TUB: variants seen among roughly 807,000 people sequenced by gnomAD.
The protein encoded by TUB is tubby protein homolog.
TUB carries 33 observed loss-of-function variants against 59.7 expected under a neutral mutation model. That is an observed-to-expected ratio of 0.55 (90% CI 0.42 to 0.74). The LOEUF is 0.74. TUB is among the 30% of genes least tolerant of loss of function. The pLI is 0.00. For synonymous variants in TUB, 293 were observed against 256.4 expected, an observed-to-expected ratio of 1.14 and a Z score of -1.36; for missense variants, 659 against 672.0, an observed-to-expected ratio of 0.98 and a Z score of 0.21.
At chr11:8,049,561 G>GTATATATATATATATA (rs372881525) in intron 2 of TUB, among the ~76,000 whole-genome samples, 1,253 of 123,302 alleles carry the variant, frequency 0.01, 6 homozygotes, top group South Asian at 0.016. Flanking sequence ...GTATTATGTG[G>GTATATATATATATATA]TATATATATA....
rs114306621 is a variant in TUB at position 8,024,437 on chromosome 11, C to T, written c.56+5079C>T. Among the ~76,000 whole-genome samples the T allele has an allele frequency of 6.4e-3, 973 of 152,128 alleles. 16 individuals carry two copies. The highest frequency in any genetic ancestry group is 0.022 in the African/African-American group (915 of 41,490). ...CCCACAACAGCCCTTCCAAACCTTC[C>T]GCACTCTCAAGACCCCTCTCTGCTT... On this transcript the variant is annotated intron_variant, in intron 1 of 11. Coordinates refer to the TUB transcript ENST00000534099.
At chr11:8,100,627 C>T (rs1554933892) in intron 10 of TUB, 26 bp downstream of exon 10, 2 of 1,602,242 alleles carry the variant, frequency 1.2e-6, no homozygotes, top group Non-Finnish European at 1.7e-6. Context: ...TTCCTCCCCT[C>T]TTTCCCCATC....
rs747531334 is a variant in TUB, at chr11:8,095,594, C to G, written c.494C>G (p.Ala165Gly). ...GGCCAGTCAGACCACGCCCAGGACG[C>G]AGGGGAGACGGCAGCTGGTGGGGGC... ...TVGQSDHAQD[A>G]GETAAGGGER... Residue 165 changes from alanine to glycine, a missense_variant, in exon 5 of 12, where the codon GCA (alanine) becomes GGA (glycine). By Grantham distance (60) the Ala-to-Gly change is moderately conservative. Around this residue, in one of 3 missense-constraint regions of TUB, gnomAD observed 321 missense variants for 304.3 expected, o/e 1.05. Transcript: ENST00000299506. 6.2e-7 allele frequency: 1 copy of G among 1,612,822 alleles called. No individual in the cohort carries two copies. The highest frequency in any genetic ancestry group is 1.3e-5 in the African/African-American group (1 of 74,926).
rs1944370721 is a variant in TUB, at chr11:8,103,023, T to C, written c.*1404T>C. The C allele has an allele frequency of 6.6e-6, 1 of 152,274 alleles. No homozygotes were observed. The highest frequency in any genetic ancestry group is 6.5e-5 in the Admixed American group (1 of 15,286). 9.4% of individuals were successfully genotyped at this position (152,274 alleles called of 1,614,324 possible). ...TCCAGTAGGAAATCAGGCAGTTCCC[T>C]GTTGAAAGTTGTCTGGCTTTTTGCA... On this transcript the variant is annotated 3_prime_UTR_variant, in exon 12 of 12. Transcript: ENST00000299506.
At chr11:8,031,666 T>G (rs1942572951) in intron 1 of TUB, among the ~76,000 whole-genome samples, 1 of 152,224 alleles carries the variant, frequency 6.6e-6, no homozygotes, top group Non-Finnish European at 1.5e-5. Context: ...TTGGTCTCAC[T>G]TTTAGTGTAA....
intron 9 of TUB, 61 bp from the exon 10 acceptor site, chr11:8,100,442 C>A (rs895966714): frequency 2.2e-6 from 3 of 1,345,194 alleles, no homozygotes; most frequent in Admixed American, 3.5e-5. Flanking sequence ...CCCGTCCCCC[C>A]CACCTTCTCC....
At chr11:8,037,390 G>T (rs543354513), upstream of TUB, among the ~76,000 whole-genome samples, 1 of 152,342 alleles carries the variant, frequency 6.6e-6, no homozygotes, top group African/African-American at 2.4e-5. Flanking sequence ...TGGAGGCCAT[G>T]AGTGTTAACA....
intron 1 of TUB, among the ~76,000 whole-genome samples, chr11:8,023,385 T>C (rs915151854): frequency 1.2e-4 from 18 of 152,200 alleles, no homozygotes; most frequent in Non-Finnish European, 2.4e-4. Flanking sequence ...ATTTTTACAA[T>C]TTCTGGCTCC....
intron 2 of TUB, among the ~76,000 whole-genome samples, chr11:8,064,340 G>A (rs1397889185): frequency 6.6e-6 from 1 of 152,188 alleles, no homozygotes; most frequent in Non-Finnish European, 1.5e-5. Context: ...GACCTTCTGG[G>A]TACACAGATT....
intron 9 of TUB, 67 bp from the exon 10 acceptor site, chr11:8,100,436 T>TCC: frequency 7.9e-7 from 1 of 1,262,026 alleles, no homozygotes; most frequent in Non-Finnish European, 1.2e-6. Context: ...TTTATTCCCG[T>TCC]CCCCCCCACC....
At chr11:8,094,797 A>G (rs1943911423) in intron 4 of TUB, among the ~76,000 whole-genome samples, 1 of 152,192 alleles carries the variant, frequency 6.6e-6, no homozygotes, top group Admixed American at 6.5e-5. Flanking sequence ...GTTCACGGAC[A>G]GTGGTTTCCA....
At position 8,089,599 on chromosome 11, in the gene TUB, T is replaced by C. The variant is rs758306512; in HGVS notation, c.39-11T>C. The stretch of plus-strand genomic sequence containing the variant: ...CGGGCAAGCCCTGAAAACCCCTCTT[T>C]CGCTCTGCAGTGTCTTAGATGATGA... On this transcript the variant is annotated splice_polypyrimidine_tract_variant and intron_variant, in intron 1 of 11. Coordinates refer to ENST00000299506, the MANE Select transcript of TUB (RefSeq NM_177972.3). 6.8e-6 allele frequency: 11 copies of C among 1,614,024 alleles called. No individual in the cohort carries two copies. The highest frequency in any genetic ancestry group is 8.5e-6 in the Non-Finnish European group (10 of 1,179,910).
In TUB at chr11:8,095,731, T is replaced by C. The variant is rs773232185; in HGVS notation, c.565+66T>C. The C allele has an allele frequency of 6.8e-4, 1,016 of 1,497,396 alleles. 2 individuals are homozygous for C. Among genetic ancestry groups the C allele is most frequent in the Non-Finnish European group, 8.7e-4 (966 of 1,108,326 alleles). The allele number at this position is 1,497,396 out of a possible 1,614,324, so 92.8% of individuals were successfully genotyped here. On this transcript the variant is annotated intron_variant, in intron 5 of 11. Coordinates refer to ENST00000299506, the MANE Select transcript of TUB (RefSeq NM_177972.3). ...TCCCAGGTTCTCAGATGCACCTTTCTCTGGGAGCATGGCCTTCCTGTGTCC... is the reference window on the plus strand; with the variant it reads ...TCCCAGGTTCTCAGATGCACCTTTCCCTGGGAGCATGGCCTTCCTGTGTCC...
chr11:8,034,832 A>C (rs917294864), upstream of TUB, among the ~76,000 whole-genome samples: 35 of 151,978 alleles, frequency 2.3e-4, no homozygotes, highest in Non-Finnish European at 5.9e-5. Context: ...CCACCTTATG[A>C]CTCACTATCA....
At chr11:8,069,994 C>T (rs959923217) in intron 2 of TUB, among the ~76,000 whole-genome samples, 5 of 152,336 alleles carry the variant, frequency 3.3e-5, no homozygotes, top group African/African-American at 1.2e-4. Flanking sequence ...GGCATGCTCT[C>T]ACGGGAAAAT....
upstream of TUB, among the ~76,000 whole-genome samples, chr11:8,034,888 C>T (rs748067239): frequency 1.3e-5 from 2 of 152,210 alleles, no homozygotes; most frequent in Non-Finnish European, 2.9e-5. Flanking sequence ...CCTGTGCTCC[C>T]CAGCAGCAAT....
chr11:8,094,318 C>A, intron 4 of TUB, 129 bp downstream of exon 4: 1 of 1,232,132 alleles, frequency 8.1e-7, no homozygotes, highest in Non-Finnish European at 1.1e-6. Flanking sequence ...CAGACTGCCA[C>A]TCTGGGCACC....
At chr11:8,083,356 G>A (rs1401101187) in intron 1 of TUB, among the ~76,000 whole-genome samples, 1 of 152,174 alleles carries the variant, frequency 6.6e-6, no homozygotes, top group Non-Finnish European at 1.5e-5. Flanking sequence ...GGTTGGGCCA[G>A]GCCAAGACAT....
At position 8,095,486 on chromosome 11, in the gene TUB, C is replaced by T. The variant is rs749531031; in HGVS notation, c.398-12C>T. The T allele has an allele frequency of 1.3e-5, 21 of 1,602,604 alleles. No homozygotes were observed. In the East Asian group the frequency reaches 3.1e-4, roughly 24 times the overall value. On this transcript the variant is annotated splice_polypyrimidine_tract_variant and intron_variant, in intron 4 of 11. Transcript: ENST00000299506. ...CTCCTGGATGTAACTCAGGCGTGTC[C>T]GTGGCCTGCAGGCACCAGCGGGCCA...
Sources: gnomAD v4.1 joint callset for allele counts (sites outside exome capture counted in the v4.1 genomes callset) on GRCh38, gnomAD v4.1.1 for gene constraint, gnomAD v4.1.1 regional missense constraint, MANE v1.5 for transcripts, NCBI Gene and HGNC (gene_info 2026-07-23, HGNC 2026-07-21) for gene names.